Variants in GRID1 observed in about 807,000 individuals in gnomAD.
The protein encoded by GRID1 is glutamate ionotropic receptor delta type subunit 1.
GRID1 carries 28 observed loss-of-function variants against 98.0 expected under a neutral mutation model. The observed-to-expected ratio is 0.29, with a 90% CI of 0.21 to 0.39. The LOEUF is 0.39. GRID1 is among the 10% of genes least tolerant of loss of function. The pLI, the probability that GRID1 is intolerant of heterozygous loss-of-function variation, is 1.00. For synonymous variants in GRID1, 553 were observed against 538.5 expected (o/e 1.03, Z -0.37); for missense variants, 1,111 against 1,340.5 (o/e 0.83, Z 2.67).
At chr10:86,346,674 C>T (rs1848387736) in intron 2 of GRID1, among the ~76,000 whole-genome samples, 1 of 152,232 alleles carries the variant, frequency 6.6e-6, no homozygotes, top group African/African-American at 2.4e-5. Context: ...AGCAGCAGCC[C>T]AGCTTCCCGA....
Position 86,195,749 on chromosome 10 carries a change from CG to C in GRID1, c.520+10614del, listed in dbSNP as rs1353833045. ...TGTTACCCACATGGCTGTGTCTGGG[CG>C]TGACCCCCACCTTTTGGTTCTAAGT... On this transcript the variant is annotated intron_variant, in intron 3 of 15. Transcript: ENST00000327946. The surrounding 1 kb of genome is among the most constrained non-coding windows in gnomAD (Gnocchi z 4.4). Among the ~76,000 whole-genome samples the C allele has an allele frequency of 1.3e-5, 2 of 152,102 alleles. No individual in the cohort carries two copies. Among genetic ancestry groups the C allele is most frequent in the Non-Finnish European group, 2.9e-5 (2 of 67,972 alleles).
At chr10:86,306,190 T>G (rs1223049844) in intron 2 of GRID1, among the ~76,000 whole-genome samples, 1 of 152,136 alleles carries the variant, frequency 6.6e-6, no homozygotes, top group African/African-American at 2.4e-5. Context: ...CTCCAGATCT[T>G]AAAAGAAAGA....
chr10:86,223,583 G>A (rs1846293318), intron 2 of GRID1, among the ~76,000 whole-genome samples: 1 of 152,206 alleles, frequency 6.6e-6, no homozygotes, highest in Non-Finnish European at 1.5e-5. Flanking sequence ...ATGATTCCAG[G>A]CAGTTCTGGA....
At chr10:85,734,286 C>A (rs150101943) in intron 8 of GRID1, among the ~76,000 whole-genome samples, 1 of 152,082 alleles carries the variant, frequency 6.6e-6, no homozygotes, top group Non-Finnish European at 1.5e-5. Context: ...GGCCCAGATC[C>A]ATGAAGATAA....
intron 5 of GRID1, among the ~76,000 whole-genome samples, chr10:85,869,544 C>T (rs1264269548): frequency 6.6e-6 from 1 of 152,210 alleles, no homozygotes; most frequent in East Asian, 1.9e-4. Flanking sequence ...CTGATTCTGA[C>T]AAGGAAAGCT....
intron 4 of GRID1, among the ~76,000 whole-genome samples, chr10:86,059,899 A>C (rs1648705819): frequency 6.6e-6 from 1 of 152,220 alleles, no homozygotes; most frequent in Non-Finnish European, 1.5e-5. Context: ...AATAAAAAAA[A>C]CACTCTCCTA....
At chr10:86,232,958 A>T (rs1846479590) in intron 2 of GRID1, among the ~76,000 whole-genome samples, 2 of 152,178 alleles carry the variant, frequency 1.3e-5, no homozygotes, top group Admixed American at 1.3e-4. Flanking sequence ...AAAATCAGGC[A>T]TCATTTATTA....
intron 4 of GRID1, among the ~76,000 whole-genome samples, chr10:86,051,769 C>A (rs1335327549): frequency 1.3e-5 from 2 of 152,150 alleles, no homozygotes; most frequent in African/African-American, 4.8e-5. Flanking sequence ...TGGCAAAAAT[C>A]CAAAAGTTTG....
chr10:85,666,184 T>G (rs1205080145), intron 12 of GRID1, among the ~76,000 whole-genome samples: 3 of 152,190 alleles, frequency 2.0e-5, no homozygotes, highest in African/African-American at 7.2e-5. Context: ...CTGACAGAGA[T>G]AGAGTGGTGC....
intron 2 of GRID1, among the ~76,000 whole-genome samples, chr10:86,283,493 T>C (rs1847383734): frequency 6.6e-6 from 1 of 152,068 alleles, no homozygotes; most frequent in Admixed American, 6.5e-5. Context: ...AGGCACTTGG[T>C]TGGAAAGAGC....
intron 4 of GRID1, among the ~76,000 whole-genome samples, chr10:85,961,636 T>C (rs1326756885): frequency 6.8e-6 from 1 of 146,714 alleles, no homozygotes; most frequent in Admixed American, 6.7e-5. Flanking sequence ...TTTCATCTGT[T>C]TTTCTCTCTT....
At chr10:85,609,068 A>G (rs1159891346) in intron 15 of GRID1, among the ~76,000 whole-genome samples, 1 of 152,124 alleles carries the variant, frequency 6.6e-6, no homozygotes, top group Non-Finnish European at 1.5e-5. Flanking sequence ...TCGGAACCCA[A>G]TGGGCTCATG....
intron 4 of GRID1, among the ~76,000 whole-genome samples, chr10:86,029,401 C>T (rs957950794): frequency 7.9e-5 from 12 of 152,176 alleles, no homozygotes; most frequent in African/African-American, 2.9e-4. Flanking sequence ...CATGTCTGAG[C>T]TCACCTTTAA....
At chr10:85,912,312 T>C (rs1841550313) in intron 5 of GRID1, among the ~76,000 whole-genome samples, 1 of 152,162 alleles carries the variant, frequency 6.6e-6, no homozygotes, top group African/African-American at 2.4e-5. Context: ...ACACATCCGC[T>C]CTCCAGTGTC....
chr10:85,805,456 C>CAAAAAATCCCAGATGTTTTCAGACA (rs1842615116), intron 8 of GRID1, among the ~76,000 whole-genome samples: 1 of 151,634 alleles, frequency 6.6e-6, no homozygotes, highest in Non-Finnish European at 1.5e-5. Context: ...CAATCCCCCC[C>CAAAAAATCCCAGATGTTTTCAGACA]AAAAAATCCC....
At chr10:85,628,737 G>A (rs1485006021) in intron 13 of GRID1, among the ~76,000 whole-genome samples, 1 of 152,138 alleles carries the variant, frequency 6.6e-6, no homozygotes, top group Non-Finnish European at 1.5e-5. Context: ...CTCAGTCGGG[G>A]GACAAGAGAT....
At chr10:85,661,037 T>G (rs993489864) in intron 12 of GRID1, among the ~76,000 whole-genome samples, 62 of 152,294 alleles carry the variant, frequency 4.1e-4, no homozygotes, top group Non-Finnish European at 2.6e-4. Flanking sequence ...TAGCTATCGT[T>G]ATGAGCTTCA....
intron 2 of GRID1, among the ~76,000 whole-genome samples, chr10:86,352,460 C>G (rs2132117615): frequency 1.3e-5 from 2 of 152,348 alleles, no homozygotes; most frequent in East Asian, 3.9e-4. Context: ...AGTCCAAGAT[C>G]AGGGTGCCAG....
In GRID1 at chr10:86,295,787, C is replaced by T. The variant is rs757609311; in HGVS notation, c.235+68154G>A. The stretch of plus-strand genomic sequence containing the variant: ...CTAACGACATTCTACGGACACTCAA[C>T]AGGTATGTGAGAGACAAAAGGACCA... On this transcript the variant is annotated intron_variant, in intron 2 of 15. Coordinates refer to ENST00000327946, the MANE Select transcript of GRID1 (RefSeq NM_017551.3). 2.1e-4 allele frequency among the ~76,000 whole-genome samples: 32 copies of T among 152,298 alleles called. No homozygotes were observed. The East Asian group carries it at 2.5e-3, about 12-fold the overall frequency.
Sources: allele counts gnomAD v4.1 joint callset (sites outside exome capture counted in the v4.1 genomes callset), GRCh38; gene constraint gnomAD v4.1.1; non-coding constraint Gnocchi (gnomAD v3.1); transcripts MANE v1.5; gene names NCBI Gene and HGNC (gene_info 2026-07-23, HGNC 2026-07-21).